Variants in CLVS1 observed in about 807,000 individuals in gnomAD.
CLVS1 encodes clavesin-1.
In CLVS1, 10 loss-of-function variants were observed where a neutral mutation model predicts 33.1. The ratio of observed to expected loss-of-function variants is 0.30; its 90% CI spans 0.19 to 0.51. CLVS1 has a LOEUF of 0.51. Among genes scored for constraint, CLVS1 ranks in the 20% least tolerant of loss-of-function variants. The pLI is 0.97. For missense variants in CLVS1, 343 were observed against 433.4 expected (o/e 0.79, Z 1.85); for synonymous variants, 163 against 166.1 (o/e 0.98, Z 0.14).
At chr8:61,338,549 A>G (rs932959472) in intron 2 of CLVS1, among the ~76,000 whole-genome samples, 3 of 152,210 alleles carry the variant, frequency 2.0e-5, no homozygotes, top group African/African-American at 7.2e-5. Context: ...TCACTAGCAC[A>G]GGCAATAGTC....
intron 3 of CLVS1, among the ~76,000 whole-genome samples, chr8:61,405,050 A>C (rs548397760): frequency 1.3e-5 from 2 of 152,200 alleles, no homozygotes; most frequent in East Asian, 3.8e-4. Flanking sequence ...TGAGTCACCA[A>C]CAATGCACTG....
chr8:61,442,647 T>C (rs1441493447), intron 3 of CLVS1, among the ~76,000 whole-genome samples: 1 of 152,162 alleles, frequency 6.6e-6, no homozygotes. Flanking sequence ...TTGTCCAGGC[T>C]GGAGTGCAGT....
chr8:61,042,227 T>C, the CLVS1 span, among the ~76,000 whole-genome samples: 1 of 152,228 alleles, frequency 6.6e-6, no homozygotes, highest in East Asian at 1.9e-4. Flanking sequence ...TAAAATAATT[T>C]GGGTAAAGCA....
chr8:61,219,857 G>A (rs1311348022), intron 2 of CLVS1, among the ~76,000 whole-genome samples: 4 of 152,144 alleles, frequency 2.6e-5, no homozygotes, highest in Non-Finnish European at 5.9e-5. Flanking sequence ...CACGTGAGAT[G>A]GTATCTCATT....
intron 2 of CLVS1, among the ~76,000 whole-genome samples, chr8:61,370,078 C>A: frequency 6.6e-6 from 1 of 152,174 alleles, no homozygotes; most frequent in East Asian, 1.9e-4. Context: ...TGGCAAAAAT[C>A]ATCTGCAAAA....
intron 1 of CLVS1, among the ~76,000 whole-genome samples, chr8:61,058,910 T>C (rs973746998): frequency 1.3e-5 from 2 of 152,212 alleles, no homozygotes; most frequent in African/African-American, 2.4e-5. Flanking sequence ...TATTTTATTA[T>C]ATAGATATTA....
At chr8:61,493,872 C>A (rs1804181889) in intron 5 of CLVS1, among the ~76,000 whole-genome samples, 1 of 152,104 alleles carries the variant, frequency 6.6e-6, no homozygotes, top group South Asian at 2.1e-4. Flanking sequence ...GCAGGTTTGA[C>A]TGAATCACTC....
At chr8:61,370,021 T>C (rs1292017894) in intron 2 of CLVS1, among the ~76,000 whole-genome samples, 1 of 152,084 alleles carries the variant, frequency 6.6e-6, no homozygotes, top group Non-Finnish European at 1.5e-5. Context: ...GAGGAAGACA[T>C]GTGGTGGGAT....
chr8:61,010,236 C>T, the CLVS1 span, among the ~76,000 whole-genome samples: 2 of 152,290 alleles, frequency 1.3e-5, no homozygotes, highest in South Asian at 2.1e-4. Flanking sequence ...CAGAAAATAT[C>T]TTGCACTGTC....
intron 1 of CLVS1, among the ~76,000 whole-genome samples, chr8:61,067,579 A>G (rs6471910): frequency 0.044 from 6,735 of 152,042 alleles, 493 homozygotes; most frequent in African/African-American, 0.15. Flanking sequence ...TAAAAAGCTA[A>G]CACTTCAGGT....
At chr8:61,115,988 C>T (rs1423882398) in intron 1 of CLVS1, among the ~76,000 whole-genome samples, 2 of 145,572 alleles carry the variant, frequency 1.4e-5, no homozygotes, top group African/African-American at 5.2e-5. Flanking sequence ...TACAGTCCCA[C>T]CAACAGTGTA....
At chr8:61,065,128 A>C (rs1254664849) in intron 1 of CLVS1, among the ~76,000 whole-genome samples, 1 of 152,242 alleles carries the variant, frequency 6.6e-6, no homozygotes, top group Non-Finnish European at 1.5e-5. Context: ...CAAGGATACT[A>C]AAATCCACAG....
In CLVS1 at chr8:61,501,232, A is replaced by G. The variant is rs994892963; in HGVS notation, c.*1690A>G. On this transcript the variant is annotated 3_prime_UTR_variant, in exon 6 of 6. Transcript: ENST00000325897. ...TAAGAGAAATAAAGAATTGAAGTGA[A>G]TTAGAAAATCCATTTTATTGCTTGG... is the stretch of plus-strand genomic sequence containing the variant. 1.3e-5 allele frequency: 2 copies of G among 152,206 alleles called. No individual in the cohort carries two copies. Among genetic ancestry groups the G allele is most frequent in the Non-Finnish European group, 2.9e-5 (2 of 68,012 alleles). 9.4% of individuals were successfully genotyped at this position (152,206 alleles called of 1,614,324 possible). A position where few individuals can be genotyped will look rare whatever the true frequency, so the allele number is the denominator to read the frequency against.
chr8:61,126,787 G>A (rs1293869523), intron 1 of CLVS1, among the ~76,000 whole-genome samples: 1 of 152,148 alleles, frequency 6.6e-6, no homozygotes, highest in African/African-American at 2.4e-5. Context: ...TGTGTCTTTT[G>A]TTTGCATGTT....
intron 5 of CLVS1, among the ~76,000 whole-genome samples, chr8:61,480,157 T>C (rs1818129611): frequency 6.6e-6 from 1 of 152,226 alleles, no homozygotes; most frequent in Admixed American, 6.5e-5. Flanking sequence ...CTGCCTTTTG[T>C]TTGTCTGTGC....
chr8:61,307,272 G>C (rs1017923597), intron 2 of CLVS1, among the ~76,000 whole-genome samples: 1 of 152,132 alleles, frequency 6.6e-6, no homozygotes, highest in African/African-American at 2.4e-5. Flanking sequence ...TCAGCAACCA[G>C]GTTGAAAACT....
chr8:61,500,909 G>GAT lies in CLVS1; in HGVS notation c.*1369_*1370dup, dbSNP rs1320702465. On this transcript the variant is annotated 3_prime_UTR_variant, in exon 6 of 6. Transcript: ENST00000325897. Reference sequence around the variant, plus strand: ...TATTCAACTGGTCATAATCACCCCTGATAATATTATTACTAATCTTAATTA... The same window carrying GAT: ...TATTCAACTGGTCATAATCACCCCTGATATAATATTATTACTAATCTTAATTA... 1.3e-5 allele frequency: 2 copies of GAT among 151,970 alleles called. No individual in the cohort carries two copies. The highest frequency in any genetic ancestry group is 2.9e-5 in the Non-Finnish European group (2 of 68,000). The allele number at this position is 151,970 out of a possible 1,614,324, so 9.4% of individuals were successfully genotyped here.
chr8:61,062,919 A>C (rs1428868663), intron 1 of CLVS1, among the ~76,000 whole-genome samples: 1 of 152,198 alleles, frequency 6.6e-6, no homozygotes, highest in South Asian at 2.1e-4. Context: ...TGTGATTGCT[A>C]TGCATTTCCT....
intron 1 of CLVS1, among the ~76,000 whole-genome samples, chr8:61,102,092 A>G (rs1805461124): frequency 6.6e-6 from 1 of 152,106 alleles, no homozygotes; most frequent in Non-Finnish European, 1.5e-5. Flanking sequence ...TTGAATTTTC[A>G]TATAAATTTT....
Sources: allele counts gnomAD v4.1 joint callset (sites outside exome capture counted in the v4.1 genomes callset), GRCh38; gene constraint gnomAD v4.1.1; transcripts MANE v1.5; gene names NCBI Gene and HGNC (gene_info 2026-07-23, HGNC 2026-07-21).